Variants in DNAH9 observed in about 807,000 individuals in gnomAD.
DNAH9 encodes dynein axonemal heavy chain 9.
A neutral mutation model predicts 471.6 loss-of-function variants in DNAH9; 345 were observed. The ratio of observed to expected loss-of-function variants is 0.73; its 90% CI spans 0.67 to 0.80. The LOEUF (loss-of-function observed/expected upper bound fraction) is 0.80, where lower values mean the gene tolerates loss of function less well. Among genes scored for constraint, DNAH9 ranks in the 30% least tolerant of loss-of-function variants. The pLI, the probability that DNAH9 is intolerant of heterozygous loss-of-function variation, is 0.00. For synonymous variants in DNAH9, 2,093 were observed against 2,123.6 expected (o/e 0.99, Z 0.40); for missense variants, 5,407 against 5,609.2 (o/e 0.96, Z 1.15).
intron 14 of DNAH9, among the ~76,000 whole-genome samples, chr17:11,661,771 ATT>A (rs2150716596): frequency 6.6e-6 from 1 of 152,242 alleles, no homozygotes; most frequent in Non-Finnish European, 1.5e-5. Flanking sequence ...CATAATATAT[ATT>A]AATAGTAAAA....
At chr17:11,727,329 T>G (rs1486984998) in intron 27 of DNAH9, among the ~76,000 whole-genome samples, 2 of 152,118 alleles carry the variant, frequency 1.3e-5, no homozygotes, top group Non-Finnish European at 2.9e-5. Context: ...TGTGTTTTTG[T>G]TTTTTGGTTT....
At chr17:11,762,770 G>GTTTTTTGTTT (rs1967748334) in intron 35 of DNAH9, among the ~76,000 whole-genome samples, 1 of 90,744 alleles carries the variant, frequency 1.1e-5, no homozygotes, top group Non-Finnish European at 2.2e-5. Flanking sequence ...TTTTTTTTTT[G>GTTTTTTGTTT]TTTTTTTTTT....
At chr17:11,960,169 C>G (rs998210204) in intron 67 of DNAH9, among the ~76,000 whole-genome samples, 1 of 152,178 alleles carries the variant, frequency 6.6e-6, no homozygotes, top group Non-Finnish European at 1.5e-5. Flanking sequence ...GGTGCAGTGG[C>G]TCACGCCTGT....
At chr17:11,695,304 G>A (rs1202630345) in intron 22 of DNAH9, among the ~76,000 whole-genome samples, 2 of 152,168 alleles carry the variant, frequency 1.3e-5, no homozygotes, top group African/African-American at 4.8e-5. Flanking sequence ...GGTGGAAGGA[G>A]TTGAGGCTTG....
chr17:11,756,504 C>T, intron 33 of DNAH9, 64 bp from the exon 34 acceptor site: 1 of 911,186 alleles, frequency 1.1e-6, no homozygotes, highest in African/African-American at 1.6e-5. Context: ...TCAGCCAAAT[C>T]CCCACAGGCT....
intron 45 of DNAH9, among the ~76,000 whole-genome samples, chr17:11,817,696 G>A (rs1372817722): frequency 2.0e-5 from 3 of 151,900 alleles, no homozygotes; most frequent in South Asian, 2.1e-4. Context: ...TTTTCTTAGC[G>A]GTTTTCCTTC....
intron 23 of DNAH9, among the ~76,000 whole-genome samples, chr17:11,700,800 T>C (rs763200448): frequency 1.3e-5 from 2 of 152,178 alleles, no homozygotes; most frequent in Non-Finnish European, 2.9e-5. Flanking sequence ...AAGCCACTGA[T>C]TTATTTACAC....
chr17:11,647,192 C>T lies in DNAH9; in HGVS notation c.2091C>T (p.Asn697=). 6.2e-7 allele frequency: 1 copy of T among 1,613,832 alleles called. No homozygotes were observed. Among genetic ancestry groups the T allele is most frequent in the Non-Finnish European group, 8.5e-7 (1 of 1,179,796 alleles). Reference sequence around the variant, plus strand: ...CGAAGGAGATCACTATCAACTTTAACCCACAGGTCAGTTGGCTGACAGTAG... The same window carrying T: ...CGAAGGAGATCACTATCAACTTTAATCCACAGGTCAGTTGGCTGACAGTAG... ...PETKEITINF[N]PQLISVLKEM... The change falls in exon 12 of 69, where the codon AAC becomes AAT. Residue 697 remains asparagine (N), a synonymous_variant. Transcript: ENST00000262442.
At chr17:11,880,048 A>G in intron 53 of DNAH9, 30 bp from the exon 54 acceptor site, 1 of 1,611,886 alleles carries the variant, frequency 6.2e-7, no homozygotes, top group Non-Finnish European at 8.5e-7. Context: ...CCACAGTCTC[A>G]TACTCCCGGA....
chr17:11,871,924 T>G (rs902213647), intron 52 of DNAH9, 138 bp downstream of exon 52: 1 of 900,692 alleles, frequency 1.1e-6, no homozygotes, highest in Non-Finnish European at 1.7e-6. Flanking sequence ...GTGTGAAACC[T>G]GCGTACCCGT....
At chr17:11,792,418 CA>C (rs1189104102) in intron 41 of DNAH9, among the ~76,000 whole-genome samples, 1 of 152,152 alleles carries the variant, frequency 6.6e-6, no homozygotes, top group Non-Finnish European at 1.5e-5. Flanking sequence ...GACAAGAAAG[CA>C]AGCAATGAGA....
intron 51 of DNAH9, among the ~76,000 whole-genome samples, chr17:11,869,901 C>G (rs553889122): frequency 3.3e-5 from 5 of 152,228 alleles, no homozygotes; most frequent in Non-Finnish European, 7.3e-5. Flanking sequence ...CTCCATGTGG[C>G]CATGACTGGG....
chr17:11,947,772 A>AATTTTTTTTTTTTTTTTTTTTTTTT lies in DNAH9; in HGVS notation c.12843+5287_12843+5288insATTTTTTTTTTTTTTTTTTTTTTTT, dbSNP rs1555528615. 1.8e-4 allele frequency among the ~76,000 whole-genome samples: 19 copies of AATTTTTTTTTTTTTTTTTTTTTTTT among 108,344 alleles called. 8 individuals carry two copies. The highest frequency in any genetic ancestry group is 1.8e-4 in the Non-Finnish European group (10 of 56,146). 71.1% of individuals were successfully genotyped at this position (108,344 alleles called of 152,430 possible). On this transcript the variant is annotated intron_variant, in intron 67 of 68. Coordinates refer to ENST00000262442, the MANE Select transcript of DNAH9 (RefSeq NM_001372.4). Reference sequence around the variant, plus strand: ...CAGAATCTGGGAGGGGCTGGGAACTATTTTTTTTTTTTTTTTTTTTTTTTT... The same window carrying AATTTTTTTTTTTTTTTTTTTTTTTT: ...CAGAATCTGGGAGGGGCTGGGAACTAATTTTTTTTTTTTTTTTTTTTTTTTTTTTTTTTTTTTTTTTTTTTTTTTT...
At chr17:11,652,181 AG>A (rs1305479299) in intron 13 of DNAH9, among the ~76,000 whole-genome samples, 1 of 152,098 alleles carries the variant, frequency 6.6e-6, no homozygotes, top group Non-Finnish European at 1.5e-5. Flanking sequence ...TTTGGATATA[AG>A]ATTGCATTCC....
chr17:11,734,425 T>C (rs1269033258), intron 28 of DNAH9, among the ~76,000 whole-genome samples: 1 of 152,208 alleles, frequency 6.6e-6, no homozygotes, highest in Non-Finnish European at 1.5e-5. Context: ...TTCTAAAAAC[T>C]TTCCACATGG....
At chr17:11,688,091 AAAAAAAAAAG>A (rs1286815343) in intron 19 of DNAH9, among the ~76,000 whole-genome samples, 13 of 147,782 alleles carry the variant, frequency 8.8e-5, no homozygotes, top group African/African-American at 3.0e-4. Context: ...CCAAAAAAAA[AAAAAAAAAAG>A]AAAAAGCCAT....
intron 14 of DNAH9, among the ~76,000 whole-genome samples, chr17:11,661,958 C>T (rs1419676727): frequency 6.6e-6 from 1 of 152,082 alleles, no homozygotes; most frequent in African/African-American, 2.4e-5. Context: ...TATTTCTCTT[C>T]AGCCTGAAGA....
chr17:11,915,966 C>T (rs749524444), intron 61 of DNAH9, among the ~76,000 whole-genome samples: 3 of 152,166 alleles, frequency 2.0e-5, no homozygotes, highest in Admixed American at 6.5e-5. Context: ...AATAGCATAA[C>T]TAGCACAGAG....
intron 49 of DNAH9, among the ~76,000 whole-genome samples, chr17:11,839,940 G>A (rs1970974378): frequency 6.6e-6 from 1 of 152,154 alleles, no homozygotes; most frequent in East Asian, 1.9e-4. Flanking sequence ...TGAAGAAATG[G>A]GAATGCTTGT....
Sources: allele counts gnomAD v4.1 joint callset (sites outside exome capture counted in the v4.1 genomes callset), GRCh38; gene constraint gnomAD v4.1.1; transcripts MANE v1.5; gene names NCBI Gene and HGNC (gene_info 2026-07-23, HGNC 2026-07-21).